SH3RF3: variants seen among roughly 807,000 people sequenced by gnomAD.
The protein encoded by SH3RF3 is SH3 domain containing ring finger 3, also known as E3 ubiquitin-protein ligase SH3RF3.
Under a neutral mutation model 66.3 loss-of-function variants are expected in SH3RF3, and 29 were observed. The observed-to-expected ratio is 0.44, with a 90% confidence interval of 0.33 to 0.60. The LOEUF is 0.60. Ranked by LOEUF, SH3RF3 falls within the 20% of genes least tolerant of loss-of-function variation. The pLI is 0.04. For missense variants in SH3RF3, 1,194 were observed against 1,190.9 expected (o/e 1.00, Z -0.04); for synonymous variants, 583 against 532.0 (o/e 1.10, Z -1.32).
chr2:109,225,117 GTCCCTTAAATTCC>G lies in SH3RF3; in HGVS notation c.573+95005_573+95017del, dbSNP rs1467745904. Among the ~76,000 whole-genome samples the G allele has an allele frequency of 4.5e-4, 69 of 152,308 alleles. 1 individual carries two copies. Among genetic ancestry groups the G allele is most frequent in the African/African-American group, 1.7e-3 (69 of 41,554 alleles). ...AACTAAGCTGGATGACACCAGCACA[GTCCCTTAAATTCC>G]CTGGCCTCAGTTTCCTCTTGTGTAA... is the stretch of plus-strand genomic sequence containing the variant. On this transcript the variant is annotated intron_variant, in intron 1 of 9. Transcript: ENST00000309415.
intron 1 of SH3RF3, among the ~76,000 whole-genome samples, chr2:109,286,861 A>G (rs765574042): frequency 1.8e-4 from 28 of 152,070 alleles, no homozygotes; most frequent in African/African-American, 6.8e-4. Context: ...CTCCAACTCT[A>G]AATTCGTTGA....
chr2:109,472,107 AATT>A (rs1423719096), intron 8 of SH3RF3, among the ~76,000 whole-genome samples: 5 of 152,188 alleles, frequency 3.3e-5, no homozygotes, highest in African/African-American at 4.8e-5. Flanking sequence ...TTAGATTGTT[AATT>A]ATTATTAATT....
chr2:109,135,315 A>C (rs1268789679), intron 1 of SH3RF3, among the ~76,000 whole-genome samples: 1 of 152,154 alleles, frequency 6.6e-6, no homozygotes, highest in Non-Finnish European at 1.5e-5. Context: ...CCCCCAGGAC[A>C]CGTGGAAGGA....
At chr2:109,301,102 A>G (rs1336838620) in intron 1 of SH3RF3, among the ~76,000 whole-genome samples, 2 of 152,182 alleles carry the variant, frequency 1.3e-5, no homozygotes, top group Admixed American at 1.3e-4. Flanking sequence ...AATCATTGCT[A>G]TTTTAATACT....
intron 1 of SH3RF3, among the ~76,000 whole-genome samples, chr2:109,325,119 A>G (rs1682121722): frequency 6.6e-6 from 1 of 152,066 alleles, no homozygotes; most frequent in African/African-American, 2.4e-5. Context: ...GAGGTCAGGG[A>G]GGGGTCCCTT....
intron 4 of SH3RF3, among the ~76,000 whole-genome samples, chr2:109,399,414 A>G (rs1227852730): frequency 1.3e-5 from 2 of 151,996 alleles, no homozygotes; most frequent in African/African-American, 2.4e-5. Flanking sequence ...TTGTTTCTAC[A>G]GATACCTTCT....
chr2:109,245,953 C>T, intron 1 of SH3RF3, among the ~76,000 whole-genome samples: 2 of 152,182 alleles, frequency 1.3e-5, no homozygotes, highest in East Asian at 3.8e-4. Context: ...AAAATTACTG[C>T]TATAATGAAA....
At chr2:109,387,783 T>G (rs1675864118) in intron 3 of SH3RF3, among the ~76,000 whole-genome samples, 1 of 152,160 alleles carries the variant, frequency 6.6e-6, no homozygotes, top group Non-Finnish European at 1.5e-5. Context: ...TATTTCACAG[T>G]GCTAAGCAGA....
intron 1 of SH3RF3, among the ~76,000 whole-genome samples, chr2:109,151,138 G>A (rs1295844843): frequency 1.3e-5 from 2 of 152,190 alleles, no homozygotes; most frequent in Admixed American, 1.3e-4. Context: ...TTGGGTTCTT[G>A]CTTATATTTG....
At chr2:109,225,584 G>T (rs531294115) in intron 1 of SH3RF3, among the ~76,000 whole-genome samples, 1 of 152,340 alleles carries the variant, frequency 6.6e-6, no homozygotes, top group East Asian at 1.9e-4. Flanking sequence ...GATGCTCCAC[G>T]TTCCTCTCTG....
intron 1 of SH3RF3, among the ~76,000 whole-genome samples, chr2:109,299,108 T>C (rs1017686752): frequency 5.9e-5 from 9 of 152,154 alleles, no homozygotes; most frequent in African/African-American, 2.2e-4. Flanking sequence ...CCCAGGGCAT[T>C]TGCAGATGAG....
In SH3RF3 at chr2:109,355,572, A is replaced by G. The variant is rs1265113380; in HGVS notation, c.849+7623A>G. On this transcript the variant is annotated intron_variant, in intron 2 of 9. Coordinates refer to ENST00000309415, the MANE Select transcript of SH3RF3 (RefSeq NM_001099289.3). ...TTCTAGAAAACGTTCCTGACCTGTG[A>G]CATAGAGCACAGCACTATCAGGGCC... is the stretch of plus-strand genomic sequence containing the variant. 2.6e-5 allele frequency among the ~76,000 whole-genome samples: 4 copies of G among 152,346 alleles called. No homozygotes were observed. The East Asian group carries it at 7.7e-4, about 29-fold the overall frequency.
At chr2:109,376,135 G>C (rs928494651) in intron 3 of SH3RF3, among the ~76,000 whole-genome samples, 1 of 152,236 alleles carries the variant, frequency 6.6e-6, no homozygotes. Flanking sequence ...AGTGAAAGCT[G>C]CTCCTCGGTC....
chr2:109,498,007 A>G (rs1313347908), intron 9 of SH3RF3, among the ~76,000 whole-genome samples: 1 of 152,118 alleles, frequency 6.6e-6, no homozygotes, highest in East Asian at 1.9e-4. Flanking sequence ...GGGCCCTCGC[A>G]GCCTCAGTTT....
At chr2:109,283,482 C>T (rs560029685) in intron 1 of SH3RF3, among the ~76,000 whole-genome samples, 1 of 152,180 alleles carries the variant, frequency 6.6e-6, no homozygotes, top group African/African-American at 2.4e-5. Context: ...ACCACAGAGA[C>T]CCCTGGTGTT....
At chr2:109,338,879 C>T (rs1328242666) in intron 1 of SH3RF3, among the ~76,000 whole-genome samples, 2 of 151,980 alleles carry the variant, frequency 1.3e-5, no homozygotes, top group African/African-American at 4.8e-5. Flanking sequence ...AAACTCAACT[C>T]CTAAGAGCTT....
chr2:109,438,083 T>C (rs6419563), intron 7 of SH3RF3, among the ~76,000 whole-genome samples: 96,233 of 152,062 alleles, frequency 0.63, 30,776 homozygotes, highest in Non-Finnish European at 0.65. Flanking sequence ...TTTCTTAGAC[T>C]AACGAACACG....
intron 1 of SH3RF3, among the ~76,000 whole-genome samples, chr2:109,194,542 A>G (rs1395896876): frequency 2.0e-5 from 3 of 152,186 alleles, no homozygotes; most frequent in Admixed American, 2.0e-4. Flanking sequence ...GCAGCACTGA[A>G]GGGCGAGGAG....
intron 1 of SH3RF3, among the ~76,000 whole-genome samples, chr2:109,155,340 G>T (rs1368362353): frequency 2.0e-5 from 3 of 152,134 alleles, no homozygotes; most frequent in African/African-American, 7.2e-5. Flanking sequence ...TCGCTCTGTT[G>T]CCCAGGCTGG....
Sources: gnomAD v4.1 joint callset for allele counts (sites outside exome capture counted in the v4.1 genomes callset) on GRCh38, gnomAD v4.1.1 for gene constraint, MANE v1.5 for transcripts, NCBI Gene and HGNC (gene_info 2026-07-23, HGNC 2026-07-21) for gene names.